The following MCF2 variants were observed in gnomAD, a reference collection of about 807,000 sequenced individuals.
MCF2 encodes MCF.2 cell line derived transforming sequence.
MCF2 carries 44 observed loss-of-function variants against 82.5 expected under a neutral mutation model. That is an observed-to-expected ratio of 0.53 (90% CI 0.42 to 0.69). The LOEUF (loss-of-function observed/expected upper bound fraction) is 0.69. Among genes scored for constraint, MCF2 ranks in the 30% least tolerant of loss-of-function variants. MCF2 has a pLI of 0.00. For synonymous variants in MCF2, 217 were observed against 224.9 expected (o/e 0.96, Z 0.32); for missense variants, 623 against 663.1 (o/e 0.94, Z 0.66).
intron 3 of MCF2, 107 bp from the exon 7 acceptor site, chrX:139,629,951 A>G (rs925780811): frequency 1.8e-6 from 1 of 564,741 alleles, no homozygotes; most frequent in Admixed American, 3.1e-5. Flanking sequence ...CGGCAAACAC[A>G]TATACTATGA....
chrX:139,702,154 C>T (rs1036950243), intron 1 of MCF2: 12 of 112,209 alleles, frequency 1.1e-4, no homozygotes, highest in African/African-American at 3.9e-4. Context: ...ATGCTCCATC[C>T]ACTGAATTTT....
chrX:139,695,656 C>T (rs770664800), intron 1 of MCF2, among the ~76,000 whole-genome samples: 8 of 111,912 alleles, frequency 7.1e-5, no homozygotes, highest in Admixed American at 9.5e-5. Flanking sequence ...AAAATAATTA[C>T]CTCTTCTCTG....
intron 20 of MCF2, among the ~76,000 whole-genome samples, chrX:139,589,601 T>C: frequency 9.0e-6 from 1 of 111,589 alleles, no homozygotes; most frequent in Non-Finnish European, 1.9e-5. Context: ...AGTTGATAAG[T>C]CTCTTATGTA....
intron 1 of MCF2, chrX:139,642,462 C>A (rs777357344): frequency 8.3e-7 from 1 of 1,211,488 alleles, no homozygotes; most frequent in Non-Finnish European, 1.1e-6. Context: ...CAGACAGAGC[C>A]CTTACCGCAT....
intron 7 of MCF2, 147 bp from the exon 11 acceptor site, chrX:139,617,851 A>C: frequency 1.1e-5 from 2 of 183,303 alleles, no homozygotes; most frequent in African/African-American, 4.4e-5. Context: ...TTCAGGCTGC[A>C]AAAAAAAAAA....
At chrX:139,696,778 A>G (rs1018411705) in intron 1 of MCF2, among the ~76,000 whole-genome samples, 15 of 111,635 alleles carry the variant, frequency 1.3e-4, no homozygotes, top group African/African-American at 4.9e-4. Context: ...TAAAAGTAAA[A>G]ATATCCTTAC....
intron 4 of MCF2, among the ~76,000 whole-genome samples, chrX:139,627,731 A>G (rs1437411307): frequency 1.8e-5 from 2 of 111,803 alleles, no homozygotes; most frequent in African/African-American, 6.5e-5. Context: ...CTTCACAGCA[A>G]TCCTACCAGG....
intron 2 of MCF2, 133 bp downstream of exon 5, chrX:139,632,202 A>G: frequency 4.7e-6 from 2 of 424,198 alleles, no homozygotes; most frequent in Non-Finnish European, 7.2e-6. Context: ...TGGGCATTTC[A>G]AATGTATACT....
intron 9 of MCF2, among the ~76,000 whole-genome samples, chrX:139,615,603 C>T (rs1308903509): frequency 8.9e-6 from 1 of 111,781 alleles, no homozygotes; most frequent in Non-Finnish European, 1.9e-5. Context: ...ATTGCCATGA[C>T]TGCATTTCTG....
At chrX:139,590,468 T>TAAA (rs754962395) in intron 19 of MCF2, among the ~76,000 whole-genome samples, 2 of 104,934 alleles carry the variant, frequency 1.9e-5, no homozygotes, top group Admixed American at 1.0e-4. Context: ...TTGGCCTTTC[T>TAAA]AAAAAAAAAA....
intron 5 of MCF2, 78 bp downstream of exon 8, chrX:139,626,545 A>G: frequency 1.0e-6 from 1 of 986,409 alleles, no homozygotes. Flanking sequence ...TTAACACTTA[A>G]CATATTGCAG....
At chrX:139,682,395 G>C (rs905603187) in intron 1 of MCF2, among the ~76,000 whole-genome samples, 1 of 112,498 alleles carries the variant, frequency 8.9e-6, no homozygotes, top group African/African-American at 3.2e-5. Context: ...AATCACAGCT[G>C]AATGAATTTA....
chrX:139,701,220 C>A (rs1057431657), intron 1 of MCF2, among the ~76,000 whole-genome samples: 3 of 111,757 alleles, frequency 2.7e-5, no homozygotes, highest in Non-Finnish European at 5.6e-5. Context: ...TATAAATACC[C>A]CCACCAGTTT....
Position 139,632,322 on chromosome X carries a change from A to G in MCF2, c.171+13T>C. The G allele has an allele frequency of 2.6e-6, 3 of 1,175,499 alleles. No homozygotes were observed. Among genetic ancestry groups the G allele is most frequent in the East Asian group, 3.0e-5 (1 of 33,578 alleles). ...AATTAGAGGAACAAAACATTTAAAT[A>G]ATATACTCTTACTGGTAATTTAAGC... On this transcript the variant is annotated intron_variant, in intron 2 of 24. Coordinates refer to ENST00000370576, the Ensembl canonical transcript of MCF2.
At chrX:139,699,981 T>C (rs1360843922) in intron 1 of MCF2, among the ~76,000 whole-genome samples, 1 of 111,862 alleles carries the variant, frequency 8.9e-6, no homozygotes, top group Non-Finnish European at 1.9e-5. Flanking sequence ...TAGCTAGTTC[T>C]GGGTTACTTG....
chrX:139,601,086 A>G (rs73573988), intron 16 of MCF2, among the ~76,000 whole-genome samples: 1,821 of 111,358 alleles, frequency 0.016, 33 homozygotes, highest in African/African-American at 0.056. Flanking sequence ...TCAATGGAAG[A>G]ACTAGAAAGT....
intron 6 of MCF2, among the ~76,000 whole-genome samples, chrX:139,624,876 C>T (rs1052296760): frequency 2.7e-5 from 3 of 110,740 alleles, no homozygotes; most frequent in African/African-American, 9.9e-5. Flanking sequence ...GCAACTTACA[C>T]TCAAATGGGT....
intron 1 of MCF2, among the ~76,000 whole-genome samples, chrX:139,675,597 C>T (rs969753688): frequency 4.4e-5 from 5 of 112,483 alleles, no homozygotes; most frequent in Admixed American, 1.9e-4. Context: ...TGGAGGTCCA[C>T]TCCAGACTCT....
At chrX:139,615,083 T>C (rs749598775) in intron 9 of MCF2, 31 bp from the exon 13 acceptor site, 2 of 1,107,665 alleles carry the variant, frequency 1.8e-6, no homozygotes, top group African/African-American at 3.6e-5. Flanking sequence ...ATAGGAAATA[T>C]TTTATGAAAT....
Sources: allele counts gnomAD v4.1 joint callset (sites outside exome capture counted in the v4.1 genomes callset), GRCh38; gene constraint gnomAD v4.1.1; transcripts MANE v1.5; gene names NCBI Gene and HGNC (gene_info 2026-07-23, HGNC 2026-07-21).